RHBDD1: variants seen among roughly 807,000 people sequenced by gnomAD.
RHBDD1 encodes rhomboid domain containing 1, also known as rhomboid-related protein 4.
Under a neutral mutation model 36.3 loss-of-function variants are expected in RHBDD1, and 38 were observed. The observed-to-expected ratio is 1.05, with a 90% CI of 0.81 to 1.37. The LOEUF (loss-of-function observed/expected upper bound fraction) is 1.37. Among genes scored for constraint, RHBDD1 ranks in the 40% most tolerant of loss-of-function variants. The pLI is 0.00. For missense variants in RHBDD1, 393 were observed against 377.6 expected (o/e 1.04, Z -0.34); for synonymous variants, 151 against 136.5 (o/e 1.11, Z -0.74).
At chr2:226,978,716 G>A (rs1272032217) in intron 8 of RHBDD1, among the ~76,000 whole-genome samples, 4 of 152,212 alleles carry the variant, frequency 2.6e-5, no homozygotes, top group African/African-American at 9.6e-5. Flanking sequence ...ACTAACCATG[G>A]CATCATGTGC....
intron 3 of RHBDD1, among the ~76,000 whole-genome samples, chr2:226,858,423 C>T (rs1943533806): frequency 6.6e-6 from 1 of 152,074 alleles, no homozygotes; most frequent in Admixed American, 6.6e-5. Flanking sequence ...TGATTACTCC[C>T]ATTAAGACTC....
At chr2:226,960,890 C>T (rs1575261887) in intron 8 of RHBDD1, among the ~76,000 whole-genome samples, 1 of 152,268 alleles carries the variant, frequency 6.6e-6, no homozygotes, top group African/African-American at 2.4e-5. Flanking sequence ...CAAAAAAATT[C>T]TCCTTTTGTA....
At chr2:226,925,120 C>T (rs991142745) in intron 8 of RHBDD1, among the ~76,000 whole-genome samples, 1 of 152,208 alleles carries the variant, frequency 6.6e-6, no homozygotes. Context: ...GTAGTGATAA[C>T]AGACATTTCT....
chr2:226,853,890 G>A (rs1009617068), intron 3 of RHBDD1, among the ~76,000 whole-genome samples: 1 of 152,280 alleles, frequency 6.6e-6, no homozygotes, highest in African/African-American at 2.4e-5. Flanking sequence ...GCAACTCTAC[G>A]GAGTGTGCTT....
At chr2:226,829,027 T>G in the RHBDD1 span, among the ~76,000 whole-genome samples, 18 of 152,202 alleles carry the variant, frequency 1.2e-4, no homozygotes, top group Non-Finnish European at 2.4e-4. Flanking sequence ...TAGTTTTAGC[T>G]GTTACATTTA....
At chr2:226,884,556 A>G (rs1220764866) in intron 5 of RHBDD1, among the ~76,000 whole-genome samples, 1 of 152,214 alleles carries the variant, frequency 6.6e-6, no homozygotes, top group East Asian at 1.9e-4. Flanking sequence ...CAAATAAATA[A>G]CAAGTTTTAT....
At chr2:226,903,059 T>G (rs1947726744) in intron 5 of RHBDD1, among the ~76,000 whole-genome samples, 1 of 152,200 alleles carries the variant, frequency 6.6e-6, no homozygotes, top group Non-Finnish European at 1.5e-5. Context: ...TCTTTTCATC[T>G]AAATTGAAGT....
intron 8 of RHBDD1, among the ~76,000 whole-genome samples, chr2:226,955,724 G>A (rs1206844986): frequency 6.6e-6 from 1 of 152,216 alleles, no homozygotes; most frequent in Non-Finnish European, 1.5e-5. Context: ...TCTTCTCACT[G>A]TGTCCTCACT....
rs553567633 is a variant in RHBDD1 at position 226,997,455 on chromosome 2, G to A, written c.*1933G>A. 1 of 152,268 alleles carries A rather than the reference G, an allele frequency of 6.6e-6. No individual in the cohort carries two copies. The highest frequency in any genetic ancestry group is 1.9e-4 in the East Asian group (1 of 5,180). The allele number at this position is 152,268 out of a possible 1,614,324, so 9.4% of individuals were successfully genotyped here. ...TGCCTTCTACGTGGGAACATGGATT[G>A]TGAATGACTCTGTAATGAGGCCTGA... On this transcript the variant is annotated 3_prime_UTR_variant, in exon 9 of 9. Transcript: ENST00000392062.
At chr2:226,852,046 A>G (rs1352800355) in intron 3 of RHBDD1, among the ~76,000 whole-genome samples, 2 of 152,308 alleles carry the variant, frequency 1.3e-5, no homozygotes, top group East Asian at 1.9e-4. Flanking sequence ...CTACCCTGCC[A>G]TATTTCCTCT....
Position 226,995,659 on chromosome 2 carries a change from C to G in RHBDD1, c.*137C>G, listed in dbSNP as rs1959180332. 1 of 670,308 alleles carries G rather than the reference C, an allele frequency of 1.5e-6. No homozygotes were observed. Among genetic ancestry groups the G allele is most frequent in the Non-Finnish European group, 2.7e-6 (1 of 373,672 alleles). The allele number at this position is 670,308 out of a possible 1,614,324, so 41.5% of individuals were successfully genotyped here. A position where few individuals can be genotyped will look rare whatever the true frequency, so the allele number is the denominator to read the frequency against. On this transcript the variant is annotated 3_prime_UTR_variant, in exon 9 of 9. Transcript: ENST00000392062. Reference sequence around the variant, plus strand: ...TATTGCTCCAGATCGCTCACATCACCTGGGACAGTCCCATGGCCCCTATGA... The same window carrying G: ...TATTGCTCCAGATCGCTCACATCACGTGGGACAGTCCCATGGCCCCTATGA...
At chr2:226,803,945 C>T in the RHBDD1 span, 1 of 152,176 alleles carries the variant, frequency 6.6e-6, no homozygotes, top group South Asian at 2.1e-4. Context: ...GCATTTTTAA[C>T]ATACTCTAGG....
At chr2:226,992,283 G>A (rs1958408434) in intron 8 of RHBDD1, among the ~76,000 whole-genome samples, 1 of 152,168 alleles carries the variant, frequency 6.6e-6, no homozygotes, top group Admixed American at 6.5e-5. Flanking sequence ...TAGGTTAGGG[G>A]CTGACATCAA....
At chr2:226,964,133 G>A (rs1952439225) in intron 8 of RHBDD1, among the ~76,000 whole-genome samples, 1 of 152,174 alleles carries the variant, frequency 6.6e-6, no homozygotes, top group African/African-American at 2.4e-5. Context: ...AAGAGAGCAA[G>A]TGAGTATGCA....
At chr2:226,824,887 G>T in the RHBDD1 span, among the ~76,000 whole-genome samples, 5 of 152,294 alleles carry the variant, frequency 3.3e-5, no homozygotes, top group East Asian at 9.6e-4. Flanking sequence ...GTGTTTATGA[G>T]GTTATGGATG....
the RHBDD1 span, chr2:226,810,782 A>T: frequency 6.6e-6 from 1 of 152,134 alleles, no homozygotes; most frequent in Admixed American, 6.5e-5. Flanking sequence ...CTGTTGTTCA[A>T]GGGCCAGCTG....
the RHBDD1 span, among the ~76,000 whole-genome samples, chr2:226,810,322 C>T: frequency 6.6e-6 from 1 of 151,650 alleles, no homozygotes; most frequent in Non-Finnish European, 1.5e-5. Context: ...GGTGGAACAC[C>T]TAAGGTCAGG....
intron 3 of RHBDD1, among the ~76,000 whole-genome samples, chr2:226,856,309 ATAAAT>A (rs1431311474): frequency 3.3e-5 from 5 of 152,172 alleles, no homozygotes; most frequent in African/African-American, 9.7e-5. Context: ...TATTCAGTTA[ATAAAT>A]TCGTGTTTTT....
intron 8 of RHBDD1, among the ~76,000 whole-genome samples, chr2:226,970,340 G>T (rs1475635803): frequency 2.6e-5 from 4 of 151,970 alleles, no homozygotes; most frequent in African/African-American, 4.8e-5. Flanking sequence ...GACGGTGTCT[G>T]CTTAGAACTG....
Sources: allele counts gnomAD v4.1 joint callset (sites outside exome capture counted in the v4.1 genomes callset), GRCh38; gene constraint gnomAD v4.1.1; transcripts MANE v1.5; gene names NCBI Gene and HGNC (gene_info 2026-07-23, HGNC 2026-07-21).